The following PDE9A variants were observed in gnomAD, a reference collection of about 807,000 sequenced individuals.
PDE9A encodes the protein phosphodiesterase 9A.
In PDE9A, 60 loss-of-function variants were observed where a neutral mutation model predicts 87.4. The ratio of observed to expected loss-of-function variants is 0.69; its 90% CI spans 0.56 to 0.85. The LOEUF is 0.85. PDE9A is among the 40% of genes least tolerant of loss of function. PDE9A has a pLI of 0.00. For missense variants in PDE9A, 665 were observed against 779.0 expected, an observed-to-expected ratio of 0.85 and a Z score of 1.74; for synonymous variants, 272 against 279.4, an observed-to-expected ratio of 0.97 and a Z score of 0.27.
intron 9 of PDE9A, among the ~76,000 whole-genome samples, chr21:42,752,614 A>G (rs2054553134): frequency 6.6e-6 from 1 of 152,228 alleles, no homozygotes; most frequent in Non-Finnish European, 1.5e-5. Flanking sequence ...ATTGGAAAAT[A>G]TGCCCCGCGC....
intron 1 of PDE9A, among the ~76,000 whole-genome samples, chr21:42,667,295 A>G (rs557799712): frequency 6.6e-6 from 1 of 152,222 alleles, no homozygotes; most frequent in South Asian, 2.1e-4. Flanking sequence ...GAGACAATAT[A>G]CTGATTTTCA....
chr21:42,751,491 T>G (rs1279354350), intron 9 of PDE9A, among the ~76,000 whole-genome samples: 2 of 152,218 alleles, frequency 1.3e-5, no homozygotes, highest in African/African-American at 2.4e-5. Context: ...CACTCAAACG[T>G]TACTGGAAAG....
chr21:42,769,720 GCA>G (rs1341985417), intron 17 of PDE9A, among the ~76,000 whole-genome samples: 3 of 145,144 alleles, frequency 2.1e-5, no homozygotes, highest in Non-Finnish European at 3.0e-5. Flanking sequence ...GTACACGCAG[GCA>G]CACACGTACA....
intron 4 of PDE9A, among the ~76,000 whole-genome samples, chr21:42,725,837 C>T (rs1483107981): frequency 3.3e-5 from 5 of 152,178 alleles, no homozygotes; most frequent in Admixed American, 3.3e-4. Flanking sequence ...ATCAGTTCTC[C>T]GCGTACATCA....
intron 1 of PDE9A, among the ~76,000 whole-genome samples, chr21:42,667,471 C>T (rs1400725860): frequency 2.0e-5 from 3 of 151,982 alleles, no homozygotes; most frequent in Non-Finnish European, 4.4e-5. Flanking sequence ...AGAAACACAC[C>T]CCTCCCTCCC....
At position 42,760,351 on chromosome 21, in the gene PDE9A, A is replaced by G. The variant is rs771281380; in HGVS notation, c.921A>G (p.Arg307=). The G allele has an allele frequency of 7.5e-6, 12 of 1,609,572 alleles. No homozygotes were observed. The highest frequency in any genetic ancestry group is 8.5e-6 in the Non-Finnish European group (10 of 1,178,798). ...AGTTCTGCGTCCACGACAACTACAGAAACAACCCCTTCCACAACTTCCGGC... is the reference window on the plus strand; with the variant it reads ...AGTTCTGCGTCCACGACAACTACAGGAACAACCCCTTCCACAACTTCCGGC... The part of the protein sequence containing the change: ...RWLFCVHDNY[R]NNPFHNFRHC... Residue 307 remains arginine, a synonymous_variant, in exon 12 of 20, where the codon AGA becomes AGG. Transcript: ENST00000291539. The surrounding 1 kb of genome is among the most constrained non-coding windows in gnomAD (Gnocchi z 5.2).
chr21:42,665,160 C>G (rs1175524259), intron 1 of PDE9A, among the ~76,000 whole-genome samples: 2 of 152,236 alleles, frequency 1.3e-5, no homozygotes, highest in East Asian at 3.8e-4. Flanking sequence ...GATGCATGTA[C>G]AAGCCAGGCT....
rs376229800 is a variant in PDE9A at position 42,752,458 on chromosome 21, G to A, written c.735+1261G>A. The stretch of plus-strand genomic sequence containing the variant: ...TAATTACTGTATTTTTAGTAGAGAC[G>A]GTGTTTCACCGTGTTGGCCAGGTTG... On this transcript the variant is annotated intron_variant, in intron 9 of 19. Transcript: ENST00000291539. 2.6e-5 allele frequency among the ~76,000 whole-genome samples: 4 copies of A among 151,630 alleles called. 1 individual carries two copies. Among genetic ancestry groups the A allele is most frequent in the Admixed American group, 1.3e-4 (2 of 15,246 alleles).
intron 7 of PDE9A, among the ~76,000 whole-genome samples, chr21:42,740,617 G>GGATA (rs2053059169): frequency 8.8e-6 from 1 of 112,998 alleles, no homozygotes; most frequent in South Asian, 3.2e-4. Flanking sequence ...ATGGATGGAT[G>GGATA]GATGGATGAA....
At chr21:42,664,715 A>G (rs1467668787) in intron 1 of PDE9A, among the ~76,000 whole-genome samples, 1 of 152,234 alleles carries the variant, frequency 6.6e-6, no homozygotes, top group Non-Finnish European at 1.5e-5. Flanking sequence ...GAAGCCCCCA[A>G]GGCTTCTGTA....
At position 42,692,705 on chromosome 21, in the gene PDE9A, C is replaced by T. The variant is rs993478405; in HGVS notation, c.218+4711C>T. Among the ~76,000 whole-genome samples, 1 of 152,158 alleles carries T rather than the reference C, an allele frequency of 6.6e-6. No homozygotes were observed. The highest frequency in any genetic ancestry group is 1.5e-5 in the Non-Finnish European group (1 of 68,030). ...TTCTGACCCAGGGGCTTTTCTCTCC[C>T]GCTTCCGTCCCTCTTCCCTCGCCGG... On this transcript the variant is annotated intron_variant, in intron 3 of 19. Coordinates refer to ENST00000291539, the MANE Select transcript of PDE9A (RefSeq NM_002606.3). This position sits in a 1 kb window ranked among gnomAD's most constrained non-coding sequence, Gnocchi z 4.3.
intron 1 of PDE9A, among the ~76,000 whole-genome samples, chr21:42,683,458 C>CT (rs1047032070): frequency 1.3e-5 from 2 of 152,202 alleles, no homozygotes; most frequent in African/African-American, 4.8e-5. Context: ...ACAGCTACCC[C>CT]TTTTTTGGTC....
At chr21:42,662,806 C>A (rs200915353) in intron 1 of PDE9A, among the ~76,000 whole-genome samples, 2 of 129,612 alleles carry the variant, frequency 1.5e-5, no homozygotes, top group East Asian at 8.0e-4. Context: ...ACACACACAC[C>A]ACACACACGC....
chr21:42,687,662 T>C (rs2059550082), intron 2 of PDE9A, among the ~76,000 whole-genome samples: 1 of 152,196 alleles, frequency 6.6e-6, no homozygotes, highest in Admixed American at 6.5e-5. Context: ...TAAAGTAGAC[T>C]TGCTCCAATT....
At chr21:42,709,121 C>A (rs2049077578) in intron 4 of PDE9A, among the ~76,000 whole-genome samples, 1 of 152,096 alleles carries the variant, frequency 6.6e-6, no homozygotes, top group South Asian at 2.1e-4. Context: ...ACTATGCAGC[C>A]ATAAAAAGGA....
At chr21:42,772,660 TCTCG>T in intron 19 of PDE9A, 140 bp downstream of exon 19, 2 of 622,426 alleles carry the variant, frequency 3.2e-6, no homozygotes, top group Admixed American at 5.4e-5. Flanking sequence ...TGAAACTAAG[TCTCG>T]CTCTTGTTGC....
At chr21:42,706,448 C>A (rs967245319) in intron 4 of PDE9A, among the ~76,000 whole-genome samples, 1 of 152,078 alleles carries the variant, frequency 6.6e-6, no homozygotes, top group Non-Finnish European at 1.5e-5. Flanking sequence ...AGTTTGAGAC[C>A]AGACTGGCCA....
At chr21:42,664,718 C>T (rs547097919) in intron 1 of PDE9A, among the ~76,000 whole-genome samples, 2 of 152,326 alleles carry the variant, frequency 1.3e-5, no homozygotes, top group African/African-American at 4.8e-5. Flanking sequence ...GCCCCCAAGG[C>T]TTCTGTAGCT....
chr21:42,671,561 G>T (rs2058563831), intron 1 of PDE9A, among the ~76,000 whole-genome samples: 1 of 152,168 alleles, frequency 6.6e-6, no homozygotes, highest in African/African-American at 2.4e-5. Context: ...TGAACAATAT[G>T]TCCAAATGTG....
Sources: allele counts gnomAD v4.1 joint callset (sites outside exome capture counted in the v4.1 genomes callset), GRCh38; gene constraint gnomAD v4.1.1; non-coding constraint Gnocchi (gnomAD v3.1); transcripts MANE v1.5; gene names NCBI Gene and HGNC (gene_info 2026-07-23, HGNC 2026-07-21).